The following SCN10A variants were observed in gnomAD, a reference collection of about 807,000 sequenced individuals.
SCN10A encodes the protein sodium voltage-gated channel alpha subunit 10.
A neutral mutation model predicts 170.7 loss-of-function variants in SCN10A; 162 were observed. That is an observed-to-expected ratio of 0.95 (90% CI 0.84 to 1.08). The LOEUF (loss-of-function observed/expected upper bound fraction) is 1.08, where lower values mean the gene tolerates loss of function less well. SCN10A is among the 50% of genes least tolerant of loss of function. SCN10A has a pLI of 0.00. For missense variants in SCN10A, 2,527 were observed against 2,436.9 expected (o/e 1.04, Z -0.78); for synonymous variants, 985 against 904.6 (o/e 1.09, Z -1.59).
intron 1 of SCN10A, among the ~76,000 whole-genome samples, chr3:38,799,542 T>G (rs1483525541): frequency 2.0e-5 from 3 of 152,188 alleles, no homozygotes; most frequent in Non-Finnish European, 4.4e-5. Flanking sequence ...CAGCCAATCT[T>G]GAACGTGGCA....
At chr3:38,788,451 A>G (rs2064236207) in intron 4 of SCN10A, among the ~76,000 whole-genome samples, 1 of 152,162 alleles carries the variant, frequency 6.6e-6, no homozygotes. Flanking sequence ...GATAACTTAA[A>G]CAGCTTCATT....
chr3:38,761,101 T>TAC (rs1215374671), intron 7 of SCN10A, 91 bp downstream of exon 7: 33 of 1,053,152 alleles, frequency 3.1e-5, no homozygotes, highest in Non-Finnish European at 3.9e-5. Context: ...TATATGTCTA[T>TAC]ACACACACAC....
At chr3:38,776,147 A>G (rs773399478) in intron 4 of SCN10A, among the ~76,000 whole-genome samples, 23 of 152,126 alleles carry the variant, frequency 1.5e-4, no homozygotes, top group Non-Finnish European at 2.6e-4. Context: ...CATTGGTCCA[A>G]TAAAATTCAA....
chr3:38,700,533 G>A (rs1575920657), intron 27 of SCN10A, among the ~76,000 whole-genome samples: 1 of 152,190 alleles, frequency 6.6e-6, no homozygotes, highest in South Asian at 2.1e-4. Context: ...GGTTTCATGG[G>A]TGTATACTTA....
chr3:38,732,460 G>A (rs2063521718), intron 15 of SCN10A, among the ~76,000 whole-genome samples: 1 of 152,174 alleles, frequency 6.6e-6, no homozygotes, highest in Admixed American at 6.5e-5. Flanking sequence ...AATGTGCTGT[G>A]AGACATACAT....
chr3:38,711,683 CA>C (rs1322347142), intron 23 of SCN10A, among the ~76,000 whole-genome samples: 5 of 152,088 alleles, frequency 3.3e-5, no homozygotes, highest in Non-Finnish European at 7.4e-5. Flanking sequence ...ACTGAATGAA[CA>C]GGTAGATGAA....
chr3:38,757,040 G>T lies in SCN10A; in HGVS notation c.1070C>A (p.Ser357Tyr), dbSNP rs866241905. Reference protein sequence around the residue: ...LSLFRLMTQDSWERLYQQTLR... With the variant: ...LSLFRLMTQDYWERLYQQTLR... ...TACCTGCTGGTAGAGGCGTTCCCAGGAATCCTGTGTCATGAGGCGGAACAG... is the reference window on the plus strand; with the variant it reads ...TACCTGCTGGTAGAGGCGTTCCCAGTAATCCTGTGTCATGAGGCGGAACAG... Residue 357 changes from serine (S) to tyrosine (Y), a missense_variant, in exon 9 of 28, where the codon TCC becomes TAC. Coordinates refer to ENST00000449082, the MANE Select transcript of SCN10A (RefSeq NM_006514.4). The T allele has an allele frequency of 1.2e-6, 2 of 1,612,152 alleles. No homozygotes were observed. The highest frequency in any genetic ancestry group is 1.7e-5 in the Admixed American group (1 of 59,706).
At chr3:38,713,067 T>C (rs1376320166) in intron 22 of SCN10A, among the ~76,000 whole-genome samples, 2 of 152,196 alleles carry the variant, frequency 1.3e-5, no homozygotes, top group Non-Finnish European at 2.9e-5. Context: ...TACTTTCTGC[T>C]GGGGAGCCAT....
rs571107837 is a variant in SCN10A, at chr3:38,772,469, T to C, written c.471-1062A>G. Among the ~76,000 whole-genome samples the C allele has an allele frequency of 1.4e-4, 21 of 152,064 alleles. No individual in the cohort carries two copies. In the Middle Eastern group the frequency reaches 0.01, roughly 74 times the overall value. ...CTTTGGGAGGCCGAGGCGGGCAGAT[T>C]ACGAGGTCAGGAGATCGAGACCATC... On this transcript the variant is annotated intron_variant, in intron 4 of 27. Coordinates refer to ENST00000449082, the MANE Select transcript of SCN10A (RefSeq NM_006514.4).
intron 1 of SCN10A, among the ~76,000 whole-genome samples, chr3:38,815,720 C>T (rs1228023633): frequency 6.6e-6 from 1 of 152,184 alleles, no homozygotes; most frequent in African/African-American, 2.4e-5. Flanking sequence ...AATAAAACAT[C>T]TTTTTATATC....
At chr3:38,806,486 T>C (rs986314601) in intron 1 of SCN10A, among the ~76,000 whole-genome samples, 5 of 152,118 alleles carry the variant, frequency 3.3e-5, no homozygotes, top group South Asian at 2.1e-4. Context: ...ACCAGAGAGA[T>C]AGTGTGGTTT....
chr3:38,805,179 T>C (rs1237792930), intron 1 of SCN10A, among the ~76,000 whole-genome samples: 9 of 152,162 alleles, frequency 5.9e-5, no homozygotes, highest in African/African-American at 2.2e-4. Flanking sequence ...ACTTAGCTGC[T>C]TGGCAGAATA....
chr3:38,767,850 C>G (rs1370908304), intron 5 of SCN10A, among the ~76,000 whole-genome samples: 1 of 151,948 alleles, frequency 6.6e-6, no homozygotes, highest in African/African-American at 2.4e-5. Context: ...TGATCCCCCA[C>G]TATTATTATA....
intron 4 of SCN10A, among the ~76,000 whole-genome samples, chr3:38,774,462 T>C (rs1339004238): frequency 6.6e-6 from 1 of 152,176 alleles, no homozygotes; most frequent in African/African-American, 2.4e-5. Context: ...TGATGTTGGG[T>C]TGCAGCATTC....
At chr3:38,802,961 C>A (rs2064382629) in intron 1 of SCN10A, among the ~76,000 whole-genome samples, 1 of 152,024 alleles carries the variant, frequency 6.6e-6, no homozygotes, top group Middle Eastern at 3.2e-3. Flanking sequence ...AAGAAAAAAA[C>A]AAACAACCCC....
At chr3:38,802,136 T>A (rs1018277524) in intron 1 of SCN10A, among the ~76,000 whole-genome samples, 1 of 152,118 alleles carries the variant, frequency 6.6e-6, no homozygotes, top group Non-Finnish European at 1.5e-5. Context: ...TGCCAGACAC[T>A]TTTTTACACT....
chr3:38,792,132 G>A lies in SCN10A; in HGVS notation c.307C>T (p.Arg103Trp), dbSNP rs750073618. 2.5e-5 allele frequency: 41 copies of A among 1,613,706 alleles called. No homozygotes were observed. The highest frequency in any genetic ancestry group is 1.6e-4 in the Middle Eastern group (1 of 6,082). ...CACAGGGCCCGAGTGGCACTAAACC[G>A]GGAAATGGTCCTCCCTTTGTTCAGC... is the stretch of plus-strand genomic sequence containing the variant. ...MVLNKGRTISRFSATRALWLF... is the reference protein window; with the variant it reads ...MVLNKGRTISWFSATRALWLF... Residue 103 changes from arginine to tryptophan, a missense_variant, in exon 3 of 28, where the codon CGG becomes TGG. Coordinates refer to ENST00000449082, the MANE Select transcript of SCN10A (RefSeq NM_006514.4).
chr3:38,752,144 G>T, intron 12 of SCN10A, 75 bp downstream of exon 12: 1 of 1,329,224 alleles, frequency 7.5e-7, no homozygotes, highest in Non-Finnish European at 1.0e-6. Flanking sequence ...TTCCATTGGT[G>T]ATACTCAGGC....
At chr3:38,739,160 G>A (rs11710161) in intron 15 of SCN10A, among the ~76,000 whole-genome samples, 4 of 152,190 alleles carry the variant, frequency 2.6e-5, no homozygotes, top group Non-Finnish European at 5.9e-5. Context: ...AATGAGGTGC[G>A]TTTTTTCAAG....
Sources: allele counts gnomAD v4.1 joint callset (sites outside exome capture counted in the v4.1 genomes callset), GRCh38; gene constraint gnomAD v4.1.1; transcripts MANE v1.5; gene names NCBI Gene and HGNC (gene_info 2026-07-23, HGNC 2026-07-21).